FNDC3A: variants seen among roughly 807,000 people sequenced by gnomAD.
FNDC3A encodes the protein fibronectin type-III domain-containing protein 3A.
In FNDC3A, 32 loss-of-function variants were observed where a neutral mutation model predicts 148.9. The ratio of observed to expected loss-of-function variants is 0.21; its 90% CI spans 0.16 to 0.29. FNDC3A has a LOEUF of 0.29. FNDC3A is among the 10% of genes least tolerant of loss of function. The probability of loss-of-function intolerance (pLI) is 1.00; values close to 1 mark genes in which losing one functional copy is unlikely to be tolerated. For missense variants in FNDC3A, 1,191 were observed against 1,452.8 expected, an observed-to-expected ratio of 0.82 and a Z score of 2.93; for synonymous variants, 472 against 473.6, an observed-to-expected ratio of 1.00 and a Z score of 0.04.
intron 2 of FNDC3A, among the ~76,000 whole-genome samples, chr13:49,048,411 ATATTC>A: frequency 6.6e-6 from 1 of 152,018 alleles, no homozygotes; most frequent in Non-Finnish European, 1.5e-5. Flanking sequence ...ATTCTACCCA[ATATTC>A]TATATAGTAA....
chr13:49,200,694 T>C (rs980379103), intron 23 of FNDC3A, among the ~76,000 whole-genome samples: 6 of 152,098 alleles, frequency 3.9e-5, no homozygotes, highest in Non-Finnish European at 7.4e-5. Flanking sequence ...AGAATTGTTA[T>C]GGGGTATGAA....
chr13:49,190,907 C>T, intron 17 of FNDC3A, 108 bp from the exon 18 acceptor site: 2 of 656,022 alleles, frequency 3.0e-6, no homozygotes, highest in Non-Finnish European at 5.2e-6. Context: ...AGTACAATTT[C>T]AAATTATCAG....
intron 2 of FNDC3A, among the ~76,000 whole-genome samples, chr13:49,024,080 T>TA (rs1424439528): frequency 6.6e-6 from 1 of 151,922 alleles, no homozygotes; most frequent in African/African-American, 2.4e-5. Context: ...AAAGGATTAT[T>TA]AGAGACTACT....
Position 49,056,048 on chromosome 13 carries a change from G to A in FNDC3A, c.100-19241G>A, listed in dbSNP as rs577265547. On this transcript the variant is annotated intron_variant, in intron 2 of 25. Coordinates refer to ENST00000492622, the MANE Select transcript of FNDC3A (RefSeq NM_001079673.2). ...CAAAAATAAAAAAAATTAACTGGGT[G>A]TAGTGGCACGCGCCTGTAGTCCCAG... 9.9e-5 allele frequency among the ~76,000 whole-genome samples: 15 copies of A among 152,156 alleles called. No individual in the cohort carries two copies. In the South Asian group the frequency reaches 3.1e-3, roughly 32 times the overall value.
At chr13:48,998,571 A>T (rs530300323) in intron 1 of FNDC3A, among the ~76,000 whole-genome samples, 1 of 152,356 alleles carries the variant, frequency 6.6e-6, no homozygotes, top group African/African-American at 2.4e-5. Flanking sequence ...ATCTGAAAAA[A>T]ATGTGAAATC....
At chr13:49,108,324 T>C (rs770674175) in intron 3 of FNDC3A, among the ~76,000 whole-genome samples, 3 of 152,166 alleles carry the variant, frequency 2.0e-5, no homozygotes, top group Non-Finnish European at 4.4e-5. Context: ...TAGAGGGTTG[T>C]ATGCACATAT....
intron 3 of FNDC3A, among the ~76,000 whole-genome samples, chr13:49,086,092 G>T (rs1413468760): frequency 6.6e-6 from 1 of 152,138 alleles, no homozygotes; most frequent in Non-Finnish European, 1.5e-5. Context: ...ATGTTGGCCA[G>T]GCTGGTCTTG....
intron 8 of FNDC3A, among the ~76,000 whole-genome samples, chr13:49,148,489 T>G (rs1158030854): frequency 3.9e-5 from 6 of 152,196 alleles, no homozygotes. Context: ...CAGTGTATGT[T>G]CTTGGCACCA....
intron 7 of FNDC3A, among the ~76,000 whole-genome samples, chr13:49,143,385 T>A (rs1039869282): frequency 2.0e-5 from 3 of 152,128 alleles, no homozygotes; most frequent in African/African-American, 4.8e-5. Context: ...TAATATTTTT[T>A]AAGTTGAAAT....
intron 2 of FNDC3A, among the ~76,000 whole-genome samples, chr13:49,011,476 C>T (rs946772300): frequency 6.6e-6 from 1 of 152,114 alleles, no homozygotes; most frequent in Non-Finnish European, 1.5e-5. Context: ...TCAAGTGATC[C>T]ACCCACCTCG....
intron 3 of FNDC3A, among the ~76,000 whole-genome samples, chr13:49,098,901 T>C (rs893347287): frequency 1.3e-5 from 2 of 152,120 alleles, no homozygotes; most frequent in Non-Finnish European, 2.9e-5. Context: ...ATGACCTTGA[T>C]CTTTTCTCTT....
chr13:49,138,605 C>T (rs1566276956), intron 6 of FNDC3A, 142 bp from the exon 7 acceptor site: 3 of 496,048 alleles, frequency 6.0e-6, no homozygotes, highest in Non-Finnish European at 1.1e-5. Flanking sequence ...GGGCCACAAA[C>T]TGCTGAGTAT....
In FNDC3A at chr13:49,191,460, A is replaced by G. The variant is rs189708457; in HGVS notation, c.2226+76A>G. The G allele has an allele frequency of 2.4e-3, 3,014 of 1,259,622 alleles. 7 individuals carry two copies. Among genetic ancestry groups the G allele is most frequent in the Non-Finnish European group, 3.0e-3 (2,762 of 925,814 alleles). The allele number at this position is 1,259,622 out of a possible 1,614,324, so 78.0% of individuals were successfully genotyped here. A position where few individuals can be genotyped will look rare whatever the true frequency, so the allele number is the denominator to read the frequency against. The stretch of plus-strand genomic sequence containing the variant: ...CATTTTAACATATATCATCATATCC[A>G]TTATTTGGCCATTTGGCTTTAACAT... On this transcript the variant is annotated intron_variant, in intron 19 of 25. Coordinates refer to ENST00000492622, the MANE Select transcript of FNDC3A (RefSeq NM_001079673.2).
chr13:49,013,529 TGTA>T (rs1473475883), intron 2 of FNDC3A, among the ~76,000 whole-genome samples: 2 of 151,684 alleles, frequency 1.3e-5, no homozygotes, highest in East Asian at 1.9e-4. Flanking sequence ...CGTGTATACA[TGTA>T]TATACGTGTA....
chr13:49,096,820 G>A (rs1402118576), intron 3 of FNDC3A, among the ~76,000 whole-genome samples: 3 of 152,050 alleles, frequency 2.0e-5, no homozygotes, highest in African/African-American at 7.2e-5. Flanking sequence ...GGGAGGCCAG[G>A]GTAGGAATAC....
At chr13:49,151,338 A>AT (rs1296229369) in intron 8 of FNDC3A, among the ~76,000 whole-genome samples, 2 of 151,818 alleles carry the variant, frequency 1.3e-5, no homozygotes, top group Non-Finnish European at 2.9e-5. Flanking sequence ...TTATATAATG[A>AT]TTTTGTCTCT....
chr13:49,029,968 A>G (rs895196450), intron 2 of FNDC3A, among the ~76,000 whole-genome samples: 8 of 152,214 alleles, frequency 5.3e-5, no homozygotes, highest in African/African-American at 1.9e-4. Context: ...TGGTACCACA[A>G]AGAAAAACTG....
chr13:49,017,227 G>A (rs537745240), intron 2 of FNDC3A, among the ~76,000 whole-genome samples: 13 of 152,220 alleles, frequency 8.5e-5, no homozygotes, highest in Non-Finnish European at 1.5e-4. Flanking sequence ...TTATTAATGT[G>A]TGGGAGTCTA....
intron 2 of FNDC3A, among the ~76,000 whole-genome samples, chr13:49,021,347 C>T (rs1047246209): frequency 4.6e-5 from 7 of 152,156 alleles, no homozygotes; most frequent in African/African-American, 1.4e-4. Context: ...TACACATGCT[C>T]CCCAGGGGGA....
Sources: gnomAD v4.1 joint callset for allele counts (sites outside exome capture counted in the v4.1 genomes callset) on GRCh38, gnomAD v4.1.1 for gene constraint, MANE v1.5 for transcripts, NCBI Gene and HGNC (gene_info 2026-07-23, HGNC 2026-07-21) for gene names.